TMCO4: variants seen among roughly 807,000 people sequenced by gnomAD.
TMCO4 encodes the protein transmembrane and coiled-coil domains 4.
Under a neutral mutation model 64.7 loss-of-function variants are expected in TMCO4, and 58 were observed. That is an observed-to-expected ratio of 0.90 (90% CI 0.73 to 1.12). The LOEUF is 1.12. TMCO4 is among the 50% of genes most tolerant of loss of function. The pLI is 0.00. For missense variants in TMCO4, 780 were observed against 825.9 expected, an observed-to-expected ratio of 0.94 and a Z score of 0.68; for synonymous variants, 325 against 346.1, an observed-to-expected ratio of 0.94 and a Z score of 0.68.
chr1:19,727,374 G>A (rs1297548922), intron 13 of TMCO4, among the ~76,000 whole-genome samples: 1 of 152,172 alleles, frequency 6.6e-6, no homozygotes, highest in Non-Finnish European at 1.5e-5. Context: ...GATGACTGAT[G>A]TACACCACTG....
chr1:19,781,641 CTTTT>C (rs1202912744), intron 3 of TMCO4, among the ~76,000 whole-genome samples: 2 of 134,408 alleles, frequency 1.5e-5, no homozygotes, highest in Non-Finnish European at 3.2e-5. Flanking sequence ...ACAGAACTTT[CTTTT>C]TTTTTTTTTT....
In TMCO4 at chr1:19,683,243, C is replaced by T. The variant is rs745651024; in HGVS notation, c.1702G>A (p.Gly568Arg). ...QVGQTQGPIS[G>R]DTSKLAMSTD... ...GACATGGCCAATTTGGAGGTGTCTC[C>T]GGATATGGGACCCTGGGTTTGCCCA... is the stretch of plus-strand genomic sequence containing the variant. Residue 568 changes from glycine (G) to arginine (R), a missense_variant, in exon 16 of 16, where the codon GGA becomes AGA. Physicochemically the swap from Gly to Arg is moderately radical, Grantham distance 125. Coordinates refer to ENST00000294543, the MANE Select transcript of TMCO4 (RefSeq NM_181719.7). The T allele has an allele frequency of 3.0e-5, 48 of 1,614,064 alleles. No homozygotes were observed. The highest frequency in any genetic ancestry group is 1.6e-4 in the Middle Eastern group (1 of 6,084).
At chr1:19,797,279 C>T (rs1396204184) in intron 2 of TMCO4, among the ~76,000 whole-genome samples, 1 of 152,158 alleles carries the variant, frequency 6.6e-6, no homozygotes, top group African/African-American at 2.4e-5. Flanking sequence ...TATAATTCCA[C>T]CCTGAACTTA....
At position 19,734,964 on chromosome 1, in the gene TMCO4, G is replaced by A. The variant is rs888413757; in HGVS notation, c.1264+2408C>T. On this transcript the variant is annotated intron_variant, in intron 13 of 15. Transcript: ENST00000294543. This position sits in a 1 kb window ranked among gnomAD's most constrained non-coding sequence, Gnocchi z 4.4. ...ACCCGGTGGATCTGCACTAGCTCGT[G>A]GGCACAGCAGCATGTGCCTGATTCC... Among the ~76,000 whole-genome samples the A allele has an allele frequency of 2.0e-5, 3 of 152,154 alleles. No homozygotes were observed. The highest frequency in any genetic ancestry group is 4.4e-5 in the Non-Finnish European group (3 of 68,012).
At chr1:19,791,131 G>T (rs1439325746) in intron 2 of TMCO4, among the ~76,000 whole-genome samples, 2 of 152,046 alleles carry the variant, frequency 1.3e-5, no homozygotes, top group Admixed American at 1.3e-4. Flanking sequence ...ACACAGGAAG[G>T]AGAACACACA....
intron 13 of TMCO4, among the ~76,000 whole-genome samples, chr1:19,716,390 T>G (rs1469839948): frequency 6.8e-6 from 1 of 148,124 alleles, no homozygotes; most frequent in Non-Finnish European, 1.5e-5. Flanking sequence ...TCTTTTTTTT[T>G]TTTTTTTGTT....
At chr1:19,754,164 A>G (rs912375968) in intron 7 of TMCO4, among the ~76,000 whole-genome samples, 9 of 152,182 alleles carry the variant, frequency 5.9e-5, no homozygotes, top group Non-Finnish European at 1.3e-4. Context: ...CTTCTGGTTT[A>G]TATCTTCCCT....
chr1:19,719,190 C>A (rs1266597191), intron 13 of TMCO4, among the ~76,000 whole-genome samples: 7 of 152,150 alleles, frequency 4.6e-5, no homozygotes, highest in African/African-American at 1.7e-4. Flanking sequence ...CTAGCCCTGA[C>A]CCTTCCAGCT....
intron 13 of TMCO4, among the ~76,000 whole-genome samples, chr1:19,721,928 C>G (rs1286051399): frequency 6.6e-6 from 1 of 152,202 alleles, no homozygotes; most frequent in Non-Finnish European, 1.5e-5. Flanking sequence ...CAGCGGCCTC[C>G]CTGGACATGG....
At chr1:19,788,430 G>A (rs983242411) in intron 2 of TMCO4, among the ~76,000 whole-genome samples, 1 of 152,006 alleles carries the variant, frequency 6.6e-6, no homozygotes, top group Non-Finnish European at 1.5e-5. Context: ...GTTAGGACAC[G>A]CACCAGGATG....
intron 15 of TMCO4, among the ~76,000 whole-genome samples, chr1:19,686,009 G>A (rs6663308): frequency 0.066 from 10,103 of 152,234 alleles, 1,148 homozygotes; most frequent in African/African-American, 0.23. Flanking sequence ...TTACAGGCGT[G>A]AGCCACTGCG....
chr1:19,778,318 G>A lies in TMCO4; in HGVS notation c.179+2262C>T, dbSNP rs572355544. ...AGACAGAGTCTTGCTCTGTTGCCCA[G>A]GCTGGAGTGCAGTAGCACGATCTTG... On this transcript the variant is annotated intron_variant, in intron 4 of 15. Coordinates refer to ENST00000294543, the MANE Select transcript of TMCO4 (RefSeq NM_181719.7). 2.6e-5 allele frequency among the ~76,000 whole-genome samples: 4 copies of A among 151,900 alleles called. No homozygotes were observed. In the South Asian group the frequency reaches 6.2e-4, roughly 24 times the overall value.
chr1:19,721,489 A>G (rs781420859), intron 13 of TMCO4, among the ~76,000 whole-genome samples: 23 of 152,116 alleles, frequency 1.5e-4, no homozygotes, highest in Non-Finnish European at 2.8e-4. Flanking sequence ...TGCAAAATAG[A>G]TAAAAATTAT....
chr1:19,702,419 C>T lies in TMCO4; in HGVS notation c.1265-1534G>A, dbSNP rs549853147. On this transcript the variant is annotated intron_variant, in intron 13 of 15. Coordinates refer to ENST00000294543, the MANE Select transcript of TMCO4 (RefSeq NM_181719.7). ...CTAGCCTTGCCAGCATGGCAAAATC[C>T]TGTCTCTACTAAAAATACAAAAATT... Among the ~76,000 whole-genome samples, 158 of 152,146 alleles carry T rather than the reference C, an allele frequency of 1.0e-3. 1 individual carries two copies. The highest frequency in any genetic ancestry group is 3.5e-3 in the African/African-American group (144 of 41,534).
At chr1:19,752,964 A>ATT (rs34801580) in intron 7 of TMCO4, among the ~76,000 whole-genome samples, 14 of 144,122 alleles carry the variant, frequency 9.7e-5, no homozygotes, top group African/African-American at 3.6e-4. Context: ...TTTAATTGTA[A>ATT]TTTTTTTTTT....
chr1:19,759,217 T>C (rs1208610950), intron 6 of TMCO4, among the ~76,000 whole-genome samples: 1 of 151,564 alleles, frequency 6.6e-6, no homozygotes, highest in East Asian at 1.9e-4. Context: ...ACCCAACAGC[T>C]GATGCTGACA....
Position 19,683,093 on chromosome 1 carries a change from C to T in TMCO4, c.1852G>A (p.Gly618Ser). The change falls in exon 16 of 16, where the codon GGC (glycine) becomes AGC (serine). Residue 618 changes from glycine (G) to serine (S), a missense_variant. By Grantham distance (56) the Gly-to-Ser change is moderately conservative (BLOSUM62 0). Transcript: ENST00000294543. ...GTCTTGCAGGCACAATCGGGGCAGC[C>T]CAGTGGGTTGGGGTCCATGCCATGG... ...CSHGMDPNPL[G>S]CPDCACKTQG... 6.2e-7 allele frequency: 1 copy of T among 1,610,272 alleles called. No homozygotes were observed. Among genetic ancestry groups the T allele is most frequent in the Non-Finnish European group, 8.5e-7 (1 of 1,178,326 alleles).
rs542879170 is a variant in TMCO4 at position 19,787,026 on chromosome 1, C to G, written c.-9G>C. 6.6e-6 allele frequency: 1 copy of G among 152,360 alleles called. No individual in the cohort carries two copies. Among genetic ancestry groups the G allele is most frequent in the African/African-American group, 2.4e-5 (1 of 41,566 alleles). The allele number at this position is 152,360 out of a possible 1,614,324, so 9.4% of individuals were successfully genotyped here. A position where few individuals can be genotyped will look rare whatever the true frequency, so the allele number is the denominator to read the frequency against. ...AGGAAAAGAAACCTTCAATACTTAC[C>G]CAGATTTCAAGAAACAGCCGTGGGC... On this transcript the variant is annotated splice_region_variant and 5_prime_UTR_variant, in exon 3 of 16. Coordinates refer to ENST00000294543, the MANE Select transcript of TMCO4 (RefSeq NM_181719.7).
intron 13 of TMCO4, among the ~76,000 whole-genome samples, chr1:19,710,430 C>T (rs1415241511): frequency 6.6e-6 from 1 of 152,130 alleles, no homozygotes; most frequent in African/African-American, 2.4e-5. Flanking sequence ...CCTCGTCCTC[C>T]TCTTCCTCTT....
Sources: gnomAD v4.1 joint callset for allele counts (sites outside exome capture counted in the v4.1 genomes callset) on GRCh38, gnomAD v4.1.1 for gene constraint, Gnocchi (gnomAD v3.1) non-coding constraint, MANE v1.5 for transcripts, NCBI Gene and HGNC (gene_info 2026-07-23, HGNC 2026-07-21) for gene names.